Variants in SS18L1 observed in about 807,000 individuals in gnomAD.
SS18L1 encodes the protein SS18L1 subunit of BAF chromatin remodeling complex, also known as calcium-responsive transactivator.
In SS18L1, 32 loss-of-function variants were observed where a neutral mutation model predicts 70.3. The ratio of observed to expected loss-of-function variants is 0.46; its 90% CI spans 0.34 to 0.61. The LOEUF is 0.61. Ranked by LOEUF, SS18L1 falls within the 20% of genes least tolerant of loss-of-function variation. The probability of loss-of-function intolerance (pLI) is 0.01; values close to 1 mark genes in which losing one functional copy is unlikely to be tolerated. For missense variants in SS18L1, 430 were observed against 542.1 expected, an observed-to-expected ratio of 0.79 and a Z score of 2.05; for synonymous variants, 237 against 229.7, an observed-to-expected ratio of 1.03 and a Z score of -0.29.
chr20:62,161,719 T>G lies in SS18L1; in HGVS notation c.376+139T>G, dbSNP rs1376529933. 1.9e-5 allele frequency: 24 copies of G among 1,282,900 alleles called. No individual in the cohort carries two copies. Among genetic ancestry groups the G allele is most frequent in the Non-Finnish European group, 1.6e-5 (15 of 956,512 alleles). 79.5% of individuals were successfully genotyped at this position (1,282,900 alleles called of 1,614,324 possible). ...CCACTCCTCCTGGGGTAGCCACAGG[T>G]CGGCTGCCATCGCCCAGGCTCAGGG... On this transcript the variant is annotated intron_variant, in intron 4 of 10. Coordinates refer to ENST00000331758, the MANE Select transcript of SS18L1 (RefSeq NM_198935.3). The surrounding 1 kb of genome is among the most constrained non-coding windows in gnomAD (Gnocchi z 4.4).
Position 62,180,358 on chromosome 20 carries a change from A to G in SS18L1, c.*1150A>G, listed in dbSNP as rs971097637. On this transcript the variant is annotated 3_prime_UTR_variant, in exon 11 of 11. Transcript: ENST00000331758. ...TCTGTGTGAACATTAAAGACAGCAC[A>G]CTTGCAAAAGTATGGTCAAAGGAAA... The G allele has an allele frequency of 5.3e-6, 1 of 187,588 alleles. No individual in the cohort carries two copies. Among genetic ancestry groups the G allele is most frequent in the African/African-American group, 2.3e-5 (1 of 42,798 alleles). 11.6% of individuals were successfully genotyped at this position (187,588 alleles called of 1,614,324 possible). A position where few individuals can be genotyped will look rare whatever the true frequency, so the allele number is the denominator to read the frequency against.
intron 6 of SS18L1, 30 bp from the exon 7 acceptor site, chr20:62,164,115 G>C (rs748759664): frequency 6.5e-7 from 1 of 1,541,852 alleles, no homozygotes; most frequent in African/African-American, 1.4e-5. Context: ...GGCGCGGCCC[G>C]CACTGGCGCT....
intron 1 of SS18L1, among the ~76,000 whole-genome samples, chr20:62,152,483 G>A (rs2057151844): frequency 6.6e-6 from 1 of 152,182 alleles, no homozygotes; most frequent in African/African-American, 2.4e-5. Context: ...CTCTGGCGCG[G>A]GTTTACCCCT....
chr20:62,151,436 G>A (rs1433507625), intron 1 of SS18L1, among the ~76,000 whole-genome samples: 1 of 152,178 alleles, frequency 6.6e-6, no homozygotes, highest in Non-Finnish European at 1.5e-5. Flanking sequence ...TTGTCTCCCT[G>A]TGGGTGCTGG....
In SS18L1 at chr20:62,158,615, T is replaced by C. The variant is rs1047806474; in HGVS notation, c.70-57T>C. The C allele has an allele frequency of 4.4e-6, 7 of 1,593,278 alleles. No homozygotes were observed. Among genetic ancestry groups the C allele is most frequent in the Non-Finnish European group, 6.0e-6 (7 of 1,172,800 alleles). On this transcript the variant is annotated intron_variant, in intron 1 of 10. Transcript: ENST00000331758. The surrounding 1 kb of genome is among the most constrained non-coding windows in gnomAD (Gnocchi z 4.5). ...CTAGATGTGTAGCGATGGCTGTTCA[T>C]CCCGAGGGTCAGCGACAGCCCCGCG...
At position 62,163,639 on chromosome 20, in the gene SS18L1, C is replaced by T. The variant is rs1159416748; in HGVS notation, c.721+17C>T. Reference sequence around the variant, plus strand: ...CCCAGCAAGGTAACGCCCGGCCGGGCCAGGTCGCGGGCACAGCTGACCGCC... The same window carrying T: ...CCCAGCAAGGTAACGCCCGGCCGGGTCAGGTCGCGGGCACAGCTGACCGCC... On this transcript the variant is annotated intron_variant, in intron 6 of 10. Transcript: ENST00000331758. 3.2e-6 allele frequency: 5 copies of T among 1,547,228 alleles called. No individual in the cohort carries two copies. The highest frequency in any genetic ancestry group is 4.3e-6 in the Non-Finnish European group (5 of 1,152,316).
intron 8 of SS18L1, among the ~76,000 whole-genome samples, chr20:62,170,730 T>A (rs2057516315): frequency 6.6e-6 from 1 of 152,210 alleles, no homozygotes; most frequent in Non-Finnish European, 1.5e-5. Flanking sequence ...GGGCGGCTGC[T>A]GCCAGTTCCC....
At chr20:62,164,297 G>GGGGCAAGGAGGGCAAGGAGGGCAAGGA in intron 7 of SS18L1, 51 bp downstream of exon 7, 1 of 1,449,322 alleles carries the variant, frequency 6.9e-7, no homozygotes, top group Non-Finnish European at 9.3e-7. Context: ...AGCAGCTGCA[G>GGGGCAAGGAGGGCAAGGAGGGCAAGGA]GGGCAAGGAG....
chr20:62,149,485 A>C (rs2057089568), intron 1 of SS18L1, among the ~76,000 whole-genome samples: 1 of 152,246 alleles, frequency 6.6e-6, no homozygotes, highest in South Asian at 2.1e-4. Flanking sequence ...ATAGGTGTGG[A>C]ATGCAGGCAG....
chr20:62,175,295 C>T lies in SS18L1; in HGVS notation c.1164+651C>T, dbSNP rs192299535. The T allele has an allele frequency of 8.6e-4, 851 of 985,276 alleles. 8 individuals carry two copies. In the African/African-American group the frequency reaches 0.014, roughly 16 times the overall value. The allele number at this position is 985,276 out of a possible 1,614,324, so 61.0% of individuals were successfully genotyped here. Reference sequence around the variant, plus strand: ...CGGGACAGTGAGGAGGCCGGTGTGGCGGGAGGTGACAGGGACAGGTGGGCG... The same window carrying T: ...CGGGACAGTGAGGAGGCCGGTGTGGTGGGAGGTGACAGGGACAGGTGGGCG... On this transcript the variant is annotated intron_variant, in intron 10 of 10. Transcript: ENST00000331758.
intron 8 of SS18L1, among the ~76,000 whole-genome samples, chr20:62,170,196 T>C (rs2057505522): frequency 1.3e-5 from 2 of 152,142 alleles, no homozygotes; most frequent in African/African-American, 4.8e-5. Context: ...CCCCGCAGAA[T>C]GCCAGAGGAT....
chr20:62,175,474 G>A lies in SS18L1; in HGVS notation c.1164+830G>A, dbSNP rs542074647. The A allele has an allele frequency of 5.3e-5, 52 of 972,104 alleles. No individual in the cohort carries two copies. In the African/African-American group the frequency reaches 8.7e-4, roughly 16 times the overall value. The allele number at this position is 972,104 out of a possible 1,614,324, so 60.2% of individuals were successfully genotyped here. A position where few individuals can be genotyped will look rare whatever the true frequency, so the allele number is the denominator to read the frequency against. The stretch of plus-strand genomic sequence containing the variant: ...GGAAGAGGGCGTGCCAAGGTCCTGA[G>A]GCACCAGGAGGTTTGTCCCAGTGAA... On this transcript the variant is annotated intron_variant, in intron 10 of 10. Transcript: ENST00000331758.
intron 1 of SS18L1, among the ~76,000 whole-genome samples, chr20:62,149,510 C>G (rs985224121): frequency 6.6e-6 from 1 of 152,186 alleles, no homozygotes; most frequent in Non-Finnish European, 1.5e-5. Flanking sequence ...TTGGTGTTAC[C>G]AGGATGGGGA....
Position 62,182,075 on chromosome 20 carries a change from C to T in SS18L1, c.*2867C>T, listed in dbSNP as rs1036532175. 2.2e-5 allele frequency: 5 copies of T among 229,558 alleles called. No individual in the cohort carries two copies. The highest frequency in any genetic ancestry group is 8.9e-5 in the African/African-American group (4 of 45,152). The allele number at this position is 229,558 out of a possible 1,614,324, so 14.2% of individuals were successfully genotyped here. On this transcript the variant is annotated 3_prime_UTR_variant, in exon 11 of 11. Transcript: ENST00000331758. ...CATATTAAAACAGTACATCAGAACT[C>T]ATGCCAACAGTCTTTATGATGGGAT...
rs1053705096 is a variant in SS18L1 at position 62,158,276 on chromosome 20, C to T, written c.70-396C>T. On this transcript the variant is annotated intron_variant, in intron 1 of 10. Transcript: ENST00000331758. This position sits in a 1 kb window ranked among gnomAD's most constrained non-coding sequence, Gnocchi z 4.5. The stretch of plus-strand genomic sequence containing the variant: ...CATTTGTGGGCTTAGATGGCCCTGC[C>T]GCTTACGGATGAAGTCCCCAGCACA... Among the ~76,000 whole-genome samples, 2 of 151,888 alleles carry T rather than the reference C, an allele frequency of 1.3e-5. No homozygotes were observed. Among genetic ancestry groups the T allele is most frequent in the South Asian group, 2.1e-4 (1 of 4,808 alleles).
intron 8 of SS18L1, 41 bp from the exon 9 acceptor site, chr20:62,172,641 C>T (rs928304082): frequency 8.7e-6 from 14 of 1,613,636 alleles, no homozygotes; most frequent in Non-Finnish European, 1.2e-5. Flanking sequence ...CCCCTTAGCC[C>T]AGGTGGGGAA....
rs2057271448 is a variant in SS18L1, at chr20:62,158,829, C to G, written c.146+81C>G. On this transcript the variant is annotated intron_variant, in intron 2 of 10. Coordinates refer to ENST00000331758, the MANE Select transcript of SS18L1 (RefSeq NM_198935.3). This position sits in a 1 kb window ranked among gnomAD's most constrained non-coding sequence, Gnocchi z 4.5. ...CAGAGGCCAGATACGTCCCAAGAGT[C>G]CCCCAGCACAGAGATCAGATAAGTC... 1 of 1,611,196 alleles carries G rather than the reference C, an allele frequency of 6.2e-7. No individual in the cohort carries two copies. Among genetic ancestry groups the G allele is most frequent in the East Asian group, 2.2e-5 (1 of 44,776 alleles).
chr20:62,174,467 G>A lies in SS18L1; in HGVS notation c.1037-50G>A, dbSNP rs750243284. On this transcript the variant is annotated intron_variant, in intron 9 of 10. Coordinates refer to ENST00000331758, the MANE Select transcript of SS18L1 (RefSeq NM_198935.3). This position sits in a 1 kb window ranked among gnomAD's most constrained non-coding sequence, Gnocchi z 4.1. ...AAATTTTTAAGTTAAGAAAAAAAAAGAAAGAGGTGTCCGTTTTGGCCGGCC... is the reference window on the plus strand; with the variant it reads ...AAATTTTTAAGTTAAGAAAAAAAAAAAAAGAGGTGTCCGTTTTGGCCGGCC... 5 of 1,547,454 alleles carry A rather than the reference G, an allele frequency of 3.2e-6. No individual in the cohort carries two copies. The highest frequency in any genetic ancestry group is 2.3e-5 in the East Asian group (1 of 44,096).
chr20:62,163,422 C>G (rs778771188), intron 5 of SS18L1, 36 bp from the exon 6 acceptor site: 1 of 1,610,136 alleles, frequency 6.2e-7, no homozygotes, highest in African/African-American at 1.3e-5. Context: ...CGGGAGGCTT[C>G]CCGGGGTGAT....
Sources: allele counts gnomAD v4.1 joint callset (sites outside exome capture counted in the v4.1 genomes callset), GRCh38; gene constraint gnomAD v4.1.1; non-coding constraint Gnocchi (gnomAD v3.1); transcripts MANE v1.5; gene names NCBI Gene and HGNC (gene_info 2026-07-23, HGNC 2026-07-21).